CDH20: variants seen among roughly 807,000 people sequenced by gnomAD.
CDH20 encodes the protein cadherin 20.
A neutral mutation model predicts 74.2 loss-of-function variants in CDH20; 29 were observed. That is an observed-to-expected ratio of 0.39 (90% CI 0.29 to 0.53). CDH20 has a LOEUF of 0.53. CDH20 is among the 20% of genes least tolerant of loss of function. CDH20 has a pLI of 0.69. For synonymous variants in CDH20, 469 were observed against 405.4 expected, an observed-to-expected ratio of 1.16 and a Z score of -1.88; for missense variants, 988 against 1,048.3, an observed-to-expected ratio of 0.94 and a Z score of 0.79.
intron 1 of CDH20, among the ~76,000 whole-genome samples, chr18:61,417,894 G>A (rs945801069): frequency 1.4e-4 from 21 of 152,076 alleles, no homozygotes; most frequent in African/African-American, 2.9e-4. Flanking sequence ...CACAGCATAC[G>A]CTTGCATCAA....
intron 1 of CDH20, among the ~76,000 whole-genome samples, chr18:61,468,383 G>A (rs1171404180): frequency 1.3e-5 from 2 of 152,130 alleles, no homozygotes; most frequent in Non-Finnish European, 2.9e-5. Context: ...TGTTCTGAGT[G>A]AAGGAAATCC....
At chr18:61,396,377 C>T (rs1295445428) in intron 1 of CDH20, among the ~76,000 whole-genome samples, 3 of 152,162 alleles carry the variant, frequency 2.0e-5, no homozygotes, top group Admixed American at 2.0e-4. Flanking sequence ...TTTTTTAAAA[C>T]CTCTGTGGGT....
chr18:61,418,392 A>C (rs1318350026), intron 1 of CDH20, among the ~76,000 whole-genome samples: 2 of 152,106 alleles, frequency 1.3e-5, no homozygotes, highest in South Asian at 4.2e-4. Flanking sequence ...GTCTCTACTA[A>C]AAATACAAAA....
At chr18:61,389,197 C>A (rs1042433864) in intron 1 of CDH20, among the ~76,000 whole-genome samples, 4 of 152,104 alleles carry the variant, frequency 2.6e-5, no homozygotes, top group African/African-American at 9.7e-5. Context: ...ACCTTTCATA[C>A]GAAGAAAATA....
chr18:61,554,540 G>T lies in CDH20; in HGVS notation c.2251G>T (p.Glu751Ter). ...CGACTCCCTCCAGACGTATATGTTC[G>T]AGGGGGACGGCTCTGTGGCGGGGTC... is the stretch of plus-strand genomic sequence containing the variant. Reference protein sequence around the residue: ...PFDSLQTYMFEGDGSVAGSLS... With the variant: ...PFDSLQTYMF The change falls in exon 12 of 12, where the codon GAG (glutamate) becomes TAG (stop). Residue 751 changes from glutamate (E) to a stop codon, truncating the protein, a stop_gained. Coordinates refer to ENST00000262717, the MANE Select transcript of CDH20 (RefSeq NM_031891.4). LOFTEE classifies it high-confidence loss of function. 6.2e-7 allele frequency: 1 copy of T among 1,612,994 alleles called. No homozygotes were observed. The highest frequency in any genetic ancestry group is 8.5e-7 in the Non-Finnish European group (1 of 1,179,886).
chr18:61,547,623 A>T (rs977253821), intron 10 of CDH20, among the ~76,000 whole-genome samples: 3 of 152,178 alleles, frequency 2.0e-5, no homozygotes, highest in African/African-American at 7.2e-5. Context: ...ATAGATGAGG[A>T]AAGTAAGCAA....
At chr18:61,506,577 G>A (rs990622386) in intron 5 of CDH20, among the ~76,000 whole-genome samples, 4 of 152,132 alleles carry the variant, frequency 2.6e-5, no homozygotes, top group East Asian at 1.9e-4. Context: ...AACAAAAAAC[G>A]TCAAAAAGTT....
At chr18:61,481,781 C>T (rs147584362) in intron 1 of CDH20, among the ~76,000 whole-genome samples, 6 of 152,206 alleles carry the variant, frequency 3.9e-5, no homozygotes, top group Non-Finnish European at 8.8e-5. Context: ...TTCCTAGCCT[C>T]AAGCAATTCT....
At chr18:61,541,722 T>G (rs1388637579) in intron 9 of CDH20, among the ~76,000 whole-genome samples, 1 of 152,216 alleles carries the variant, frequency 6.6e-6, no homozygotes, top group Non-Finnish European at 1.5e-5. Context: ...TCGGGCCTCC[T>G]TGTGTTTACT....
chr18:61,469,642 G>A (rs1227833021), intron 1 of CDH20, among the ~76,000 whole-genome samples: 1 of 152,198 alleles, frequency 6.6e-6, no homozygotes, highest in Admixed American at 6.5e-5. Context: ...CTAGCAGGGA[G>A]CTTGTGGCAT....
chr18:61,373,541 T>C (rs2144162086), intron 1 of CDH20, among the ~76,000 whole-genome samples: 1 of 152,230 alleles, frequency 6.6e-6, no homozygotes, highest in South Asian at 2.1e-4. Context: ...GACTATCTTC[T>C]CCAGCGCTCC....
chr18:61,522,973 CTT>C (rs1271933714), intron 6 of CDH20, among the ~76,000 whole-genome samples: 1 of 152,128 alleles, frequency 6.6e-6, no homozygotes, highest in Admixed American at 6.6e-5. Context: ...TAGAAGAAAA[CTT>C]AGGCAATACC....
intron 1 of CDH20, among the ~76,000 whole-genome samples, chr18:61,434,509 C>T (rs1908762845): frequency 6.6e-6 from 1 of 152,100 alleles, no homozygotes; most frequent in Admixed American, 6.6e-5. Flanking sequence ...TGTAAGGGAG[C>T]TATTATAATT....
At chr18:61,427,618 A>G (rs972085337) in intron 1 of CDH20, among the ~76,000 whole-genome samples, 11 of 152,232 alleles carry the variant, frequency 7.2e-5, no homozygotes, top group African/African-American at 2.7e-4. Flanking sequence ...AAATACTAAA[A>G]TAAGATTGCA....
At chr18:61,529,953 G>C (rs923598574) in intron 7 of CDH20, among the ~76,000 whole-genome samples, 1 of 152,166 alleles carries the variant, frequency 6.6e-6, no homozygotes, top group Admixed American at 6.5e-5. Context: ...CAGGATGAAT[G>C]CAAGAGTGAA....
At chr18:61,356,499 C>T (rs1186088875) in intron 1 of CDH20, among the ~76,000 whole-genome samples, 1 of 152,090 alleles carries the variant, frequency 6.6e-6, no homozygotes, top group Non-Finnish European at 1.5e-5. Flanking sequence ...TACTTATTTT[C>T]CTCTACCGCC....
chr18:61,411,580 GTATATATATATATA>G (rs145701176), intron 1 of CDH20, among the ~76,000 whole-genome samples: 14,418 of 149,824 alleles, frequency 0.096, 815 homozygotes, highest in East Asian at 0.14. Flanking sequence ...GTGTGTGTGT[GTATATATATATATA>G]TATATATATA....
intron 1 of CDH20, among the ~76,000 whole-genome samples, chr18:61,345,521 C>G (rs1490742096): frequency 6.6e-6 from 1 of 152,088 alleles, no homozygotes; most frequent in Non-Finnish European, 1.5e-5. Flanking sequence ...CTCGATGAAC[C>G]CCTTACCATA....
rs868355206 is a variant in CDH20, at chr18:61,539,095, T to C, written c.1480T>C (p.Phe494Leu). ...AGATGTGAATGACAATGCTCCAGAG[T>C]TCCCCAGATTCTATGAAGCTTTTGT... ...VLDVNDNAPE[F>L]PRFYEAFVCE... is the part of the protein sequence containing the mutation. The change falls in exon 9 of 12, where the codon TTC (phenylalanine) becomes CTC (leucine). Residue 494 changes from phenylalanine to leucine, a missense_variant. By Grantham distance (22) the Phe-to-Leu change is conservative. Coordinates refer to ENST00000262717, the MANE Select transcript of CDH20 (RefSeq NM_031891.4). 1 of 1,613,922 alleles carries C rather than the reference T, an allele frequency of 6.2e-7. No individual in the cohort carries two copies. The highest frequency in any genetic ancestry group is 8.5e-7 in the Non-Finnish European group (1 of 1,179,908).
Sources: gnomAD v4.1 joint callset for allele counts (sites outside exome capture counted in the v4.1 genomes callset) on GRCh38, gnomAD v4.1.1 for gene constraint, MANE v1.5 for transcripts, NCBI Gene and HGNC (gene_info 2026-07-23, HGNC 2026-07-21) for gene names.